The following PARVB variants were observed in gnomAD, a reference collection of about 807,000 sequenced individuals.
PARVB encodes parvin beta, also known as beta-parvin.
Under a neutral mutation model 47.0 loss-of-function variants are expected in PARVB, and 46 were observed. That is an observed-to-expected ratio of 0.98 (90% CI 0.77 to 1.25). The LOEUF is 1.25. Among genes scored for constraint, PARVB ranks in the 50% most tolerant of loss-of-function variants. PARVB has a pLI of 0.00. For missense variants in PARVB, 473 were observed against 471.6 expected, an observed-to-expected ratio of 1.00 and a Z score of -0.03; for synonymous variants, 196 against 196.3, an observed-to-expected ratio of 1.00 and a Z score of 0.01.
At chr22:44,130,443 G>T (rs1486206701) in intron 4 of PARVB, among the ~76,000 whole-genome samples, 1 of 152,208 alleles carries the variant, frequency 6.6e-6, no homozygotes, top group Non-Finnish European at 1.5e-5. Flanking sequence ...ATTGAAGGAG[G>T]TGCAGGCTGG....
In PARVB at chr22:44,167,235, C is replaced by T. The variant is rs1317570842; in HGVS notation, c.1019-1367C>T. ...AGGCTTGTGGCTCGCTCCAAATTCA[C>T]AGAGCCGAGTGCGGAGCTCGATGGT... On this transcript the variant is annotated intron_variant, in intron 12 of 12. Transcript: ENST00000338758. Among the ~76,000 whole-genome samples the T allele has an allele frequency of 3.3e-5, 5 of 152,232 alleles. No homozygotes were observed. In the East Asian group the frequency reaches 5.8e-4, roughly 18 times the overall value.
At chr22:44,109,985 C>G (rs190515425) in intron 3 of PARVB, 1 of 148,782 alleles carries the variant, frequency 6.7e-6, no homozygotes, top group Non-Finnish European at 1.5e-5. Context: ...TAGTGGCGGG[C>G]GCCTGTAGTC....
intron 1 of PARVB, among the ~76,000 whole-genome samples, chr22:44,083,870 A>C (rs1050422786): frequency 3.3e-5 from 5 of 152,314 alleles, no homozygotes; most frequent in South Asian, 2.1e-4. Context: ...TTTCTACATC[A>C]GACAGGACTC....
intron 1 of PARVB, among the ~76,000 whole-genome samples, chr22:44,067,277 C>T (rs1459560212): frequency 6.6e-6 from 1 of 152,234 alleles, no homozygotes. Flanking sequence ...TAGTTAGTTG[C>T]ATTACATTGA....
chr22:44,142,377 C>CAAA (rs3053819), intron 8 of PARVB: 1 of 57,044 alleles, frequency 1.8e-5, no homozygotes. Flanking sequence ...GACTCTGTCT[C>CAAA]AAAAAAAAAA....
upstream of PARVB, among the ~76,000 whole-genome samples, chr22:44,019,907 C>T (rs1309905657): frequency 6.6e-6 from 1 of 152,160 alleles, no homozygotes; most frequent in Non-Finnish European, 1.5e-5. Flanking sequence ...AATCCTAATC[C>T]CCAGTACTGT....
At chr22:44,122,605 A>AGAG (rs2053095044) in intron 4 of PARVB, among the ~76,000 whole-genome samples, 1 of 132,766 alleles carries the variant, frequency 7.5e-6, no homozygotes. Context: ...AGAGAGAGAG[A>AGAG]GAGAGGTCTC....
chr22:44,040,077 AT>A (rs1339485016), intron 1 of PARVB: 1 of 251,664 alleles, frequency 4.0e-6, no homozygotes, highest in Non-Finnish European at 8.1e-6. Context: ...AGCAGGAGGG[AT>A]TTTCTGTTGT....
chr22:44,091,996 G>A (rs974504687), intron 1 of PARVB, among the ~76,000 whole-genome samples: 8 of 152,126 alleles, frequency 5.3e-5, no homozygotes, highest in African/African-American at 1.7e-4. Context: ...GTCCCATCAC[G>A]TGCCATGCTC....
intron 2 of PARVB, among the ~76,000 whole-genome samples, chr22:44,097,192 T>A (rs2052328641): frequency 1.3e-5 from 2 of 152,210 alleles, no homozygotes; most frequent in Admixed American, 1.3e-4. Context: ...AGCCCTTTTC[T>A]TCTCTCCCAG....
Position 44,042,969 on chromosome 22 carries a change from C to T in PARVB, c.112+18518C>T, listed in dbSNP as rs192376968. 2.2e-3 allele frequency among the ~76,000 whole-genome samples: 330 copies of T among 152,272 alleles called. 4 individuals carry two copies. The highest frequency in any genetic ancestry group is 7.4e-3 in the African/African-American group (307 of 41,548). ...TGTGTTTGTTTAAGGTTTACTGGCG[C>T]ACTCTGTGGTTGCCGTGGAGTGGAC... On this transcript the variant is annotated intron_variant, in intron 1 of 12. Transcript: ENST00000338758.
At chr22:44,027,136 A>G (rs934206884) in intron 1 of PARVB, among the ~76,000 whole-genome samples, 23 of 151,656 alleles carry the variant, frequency 1.5e-4, no homozygotes, top group Admixed American at 1.2e-3. Context: ...ATGGAAAGGA[A>G]CGCCGGAAAC....
intron 8 of PARVB, chr22:44,147,452 C>T (rs975468351): frequency 3.9e-5 from 14 of 355,734 alleles, no homozygotes; most frequent in African/African-American, 1.1e-4. Context: ...ACATGGCCAC[C>T]GTCGCGGGGG....
chr22:44,100,796 G>A (rs530739341), intron 3 of PARVB, among the ~76,000 whole-genome samples: 63 of 152,280 alleles, frequency 4.1e-4, no homozygotes, highest in African/African-American at 1.5e-3. Flanking sequence ...ACCACGGTAG[G>A]GCTTGAGAGA....
At chr22:44,045,565 G>A (rs1288618178) in intron 1 of PARVB, among the ~76,000 whole-genome samples, 1 of 152,148 alleles carries the variant, frequency 6.6e-6, no homozygotes, top group Non-Finnish European at 1.5e-5. Context: ...AGCAGGTATG[G>A]GGCTGGGGGT....
At chr22:44,142,682 A>G (rs2053581010) in intron 8 of PARVB, 1 of 152,152 alleles carries the variant, frequency 6.6e-6, no homozygotes, top group Non-Finnish European at 1.5e-5. Context: ...CAGGTGTCAC[A>G]TGTGAAAAGT....
At chr22:44,008,861 T>C (rs2050494600) in intron 2 of PARVB, among the ~76,000 whole-genome samples, 1 of 151,244 alleles carries the variant, frequency 6.6e-6, no homozygotes, top group African/African-American at 2.4e-5. Flanking sequence ...TGGGGGTGGG[T>C]GCCTGTAGTC....
intron 5 of PARVB, among the ~76,000 whole-genome samples, chr22:44,132,445 T>A (rs922021247): frequency 2.0e-5 from 3 of 152,142 alleles, no homozygotes; most frequent in Non-Finnish European, 2.9e-5. Flanking sequence ...ATGTCTAATG[T>A]CCCCAGAGTG....
chr22:44,060,935 C>G (rs1027568890), intron 1 of PARVB, among the ~76,000 whole-genome samples: 1 of 152,240 alleles, frequency 6.6e-6, no homozygotes, highest in African/African-American at 2.4e-5. Flanking sequence ...ATAACTTTTT[C>G]TTATATATGT....
Sources: gnomAD v4.1 joint callset for allele counts (sites outside exome capture counted in the v4.1 genomes callset) on GRCh38, gnomAD v4.1.1 for gene constraint, MANE v1.5 for transcripts, NCBI Gene and HGNC (gene_info 2026-07-23, HGNC 2026-07-21) for gene names.